The following TSPEAR variants were observed in gnomAD, a reference collection of about 807,000 sequenced individuals.
TSPEAR encodes thrombospondin-type laminin G domain and EAR repeat-containing protein.
Under a neutral mutation model 71.6 loss-of-function variants are expected in TSPEAR, and 69 were observed. The ratio of observed to expected loss-of-function variants is 0.96; its 90% CI spans 0.79 to 1.18. The LOEUF (loss-of-function observed/expected upper bound fraction) is 1.18, where lower values mean the gene tolerates loss of function less well. Ranked by LOEUF, TSPEAR falls within the 50% of genes most tolerant of loss-of-function variation. The pLI is 0.00. For missense variants in TSPEAR, 971 were observed against 894.9 expected (o/e 1.09, Z -1.09); for synonymous variants, 402 against 387.2 (o/e 1.04, Z -0.45).
chr21:44,517,980 TAC>T (rs782598120), intron 9 of TSPEAR: 3 of 400,440 alleles, frequency 7.5e-6, no homozygotes, highest in Non-Finnish European at 1.5e-5. Context: ...GTTAGCCAGA[TAC>T]AGACTCTCCT....
intron 11 of TSPEAR, among the ~76,000 whole-genome samples, chr21:44,500,847 T>C (rs1209590727): frequency 2.6e-5 from 4 of 152,254 alleles, no homozygotes; most frequent in African/African-American, 9.6e-5. Flanking sequence ...TTTTCTGTCG[T>C]GTGTGTGGTA....
Position 44,509,345 on chromosome 21 carries a change from C to CT in TSPEAR, c.1607dup (p.Arg537GlufsTer21). 4 of 1,613,980 alleles carry CT rather than the reference C, an allele frequency of 2.5e-6. No homozygotes were observed. The highest frequency in any genetic ancestry group is 3.4e-6 in the Non-Finnish European group (4 of 1,180,002). The stretch of plus-strand genomic sequence containing the variant: ...TGTTTGCCACAGCGAGGAAGATCCT[C>CT]TCCCCGATCTGGAAGACCTCCCAGT... On this transcript the variant is annotated frameshift_variant, in exon 10 of 12. Transcript: ENST00000323084. LOFTEE classifies it high-confidence loss of function.
chr21:44,702,803 G>T, intron 1 of TSPEAR: 1 of 1,221,868 alleles, frequency 8.2e-7, no homozygotes, highest in South Asian at 1.3e-5. Context: ...AGCTACTGAC[G>T]GGCACGTCCC....
At chr21:44,663,919 C>T (rs1985622601) in intron 1 of TSPEAR, among the ~76,000 whole-genome samples, 1 of 152,040 alleles carries the variant, frequency 6.6e-6, no homozygotes, top group African/African-American at 2.4e-5. Flanking sequence ...AACATCCATT[C>T]AGAATAAAAA....
intron 1 of TSPEAR, among the ~76,000 whole-genome samples, chr21:44,590,965 CCA>C (rs1210610705): frequency 3.1e-4 from 47 of 152,172 alleles, no homozygotes; most frequent in African/African-American, 1.1e-3. Context: ...CCTCGGGGGT[CCA>C]CAGACAGGAT....
intron 1 of TSPEAR, among the ~76,000 whole-genome samples, chr21:44,588,669 A>G (rs1656797158): frequency 1.4e-5 from 1 of 72,550 alleles, no homozygotes; most frequent in Admixed American, 1.2e-4. Flanking sequence ...ACTTTTATAT[A>G]TATAATATAT....
intron 1 of TSPEAR, among the ~76,000 whole-genome samples, chr21:44,698,882 G>A (rs1987514744): frequency 6.6e-6 from 1 of 152,190 alleles, no homozygotes; most frequent in South Asian, 2.1e-4. Context: ...TCCAGCCGGG[G>A]CAACAGAGTG....
chr21:44,678,149 G>T, intron 1 of TSPEAR: 1 of 575,958 alleles, frequency 1.7e-6, no homozygotes, highest in South Asian at 1.9e-5. Flanking sequence ...AGTAAGTGGA[G>T]GCATGTGTAC....
intron 1 of TSPEAR, among the ~76,000 whole-genome samples, chr21:44,665,344 G>A (rs1569247646): frequency 6.6e-6 from 1 of 152,202 alleles, no homozygotes; most frequent in Non-Finnish European, 1.5e-5. Context: ...GCAGACTCCT[G>A]GGGCAAGAGG....
rs587631861 is a variant in TSPEAR at position 44,668,147 on chromosome 21, T to C, written c.82+43286A>G. 3.8e-4 allele frequency among the ~76,000 whole-genome samples: 58 copies of C among 152,354 alleles called. No individual in the cohort carries two copies. In the South Asian group the frequency reaches 0.011, roughly 29 times the overall value. ...GTTCACAGATGACATGATTTTTATA[T>C]GTAGAAAACTCTAAATATTCCACAC... On this transcript the variant is annotated intron_variant, in intron 1 of 11. Coordinates refer to ENST00000323084, the MANE Select transcript of TSPEAR (RefSeq NM_144991.3).
At chr21:44,535,076 T>C (rs1420431451) in intron 2 of TSPEAR, among the ~76,000 whole-genome samples, 1 of 149,590 alleles carries the variant, frequency 6.7e-6, no homozygotes, top group African/African-American at 2.5e-5. Flanking sequence ...GGCTGGGGGG[T>C]GATGGGGAGT....
At chr21:44,654,022 AT>A (rs1984968061) in intron 1 of TSPEAR, among the ~76,000 whole-genome samples, 1 of 152,214 alleles carries the variant, frequency 6.6e-6, no homozygotes, top group Non-Finnish European at 1.5e-5. Flanking sequence ...TATTTATGAT[AT>A]TTGCAAGAGA....
chr21:44,627,432 G>A (rs782247632), intron 1 of TSPEAR: 34 of 1,613,190 alleles, frequency 2.1e-5, no homozygotes, highest in South Asian at 6.6e-5. Flanking sequence ...GCTGCCAGCC[G>A]GCTTACTGCA....
intron 1 of TSPEAR, among the ~76,000 whole-genome samples, chr21:44,589,525 C>T (rs1250125226): frequency 1.3e-5 from 2 of 152,186 alleles, no homozygotes; most frequent in South Asian, 4.1e-4. Context: ...GTGGCAGGAT[C>T]ACAGGGTCAC....
In TSPEAR at chr21:44,509,552, GGT is replaced by G. The variant is rs1555912382; in HGVS notation, c.1567-168_1567-167del. On this transcript the variant is annotated intron_variant, in intron 9 of 11. Transcript: ENST00000323084. ...GTGGGTGAGCGGGCGCAGAGGTGTG[GGT>G]GAGCGGGCGCAGAGGTGTGGGAGAG... is the stretch of plus-strand genomic sequence containing the variant. 53 of 597,224 alleles carry G rather than the reference GGT, an allele frequency of 8.9e-5. No homozygotes were observed. In the African/African-American group the frequency reaches 1.0e-3, roughly 11 times the overall value. 37.0% of individuals were successfully genotyped at this position (597,224 alleles called of 1,614,324 possible).
chr21:44,613,394 CCT>C (rs1336820617), intron 1 of TSPEAR, among the ~76,000 whole-genome samples: 2 of 152,188 alleles, frequency 1.3e-5, no homozygotes, highest in African/African-American at 4.8e-5. Flanking sequence ...CGGCTCAGCC[CCT>C]GTGACCGGGT....
At chr21:44,697,220 G>A (rs782164920) in intron 1 of TSPEAR, 15 of 1,613,756 alleles carry the variant, frequency 9.3e-6, no homozygotes, top group Middle Eastern at 1.6e-4. Flanking sequence ...CTGCTCCAGC[G>A]ACCTGAGCTA....
intron 1 of TSPEAR, among the ~76,000 whole-genome samples, chr21:44,707,322 G>T (rs1391341508): frequency 6.6e-6 from 1 of 151,980 alleles, no homozygotes; most frequent in South Asian, 2.1e-4. Flanking sequence ...TGCGGGGAGA[G>T]AGGACACAGG....
intron 6 of TSPEAR, 94 bp from the exon 7 acceptor site, chr21:44,527,612 C>T: frequency 2.5e-6 from 3 of 1,186,810 alleles, no homozygotes; most frequent in South Asian, 2.7e-5. Flanking sequence ...CCCCAAGTCA[C>T]AAGCCACGAC....
Sources: gnomAD v4.1 joint callset for allele counts (sites outside exome capture counted in the v4.1 genomes callset) on GRCh38, gnomAD v4.1.1 for gene constraint, MANE v1.5 for transcripts, NCBI Gene and HGNC (gene_info 2026-07-23, HGNC 2026-07-21) for gene names.